MAPK3: variants seen among roughly 807,000 people sequenced by gnomAD.
MAPK3 encodes the protein mitogen-activated protein kinase 3.
Under a neutral mutation model 41.8 loss-of-function variants are expected in MAPK3, and 30 were observed. The ratio of observed to expected loss-of-function variants is 0.72; its 90% CI spans 0.54 to 0.97. The LOEUF (loss-of-function observed/expected upper bound fraction) is 0.97. MAPK3 is among the 50% of genes least tolerant of loss of function. The pLI is 0.00. For missense variants in MAPK3, 413 were observed against 509.9 expected, an observed-to-expected ratio of 0.81 and a Z score of 1.83; for synonymous variants, 222 against 213.4, an observed-to-expected ratio of 1.04 and a Z score of -0.35.
At chr16:30,122,251 C>A in intron 1 of MAPK3, 1 of 566,944 alleles carries the variant, frequency 1.8e-6, no homozygotes, top group Non-Finnish European at 3.2e-6. Context: ...ACTGACTTCC[C>A]CTCTCCTCAA....
Position 30,118,357 on chromosome 16 carries a change from C to T in MAPK3, c.535G>A (p.Asp179Asn), listed in dbSNP as rs2072980814. Residue 179 changes from aspartate to asparagine, a missense_variant, in exon 3 of 9, where the codon GAC becomes AAC. By Grantham distance (23) the Asp-to-Asn change is conservative. This residue lies in a region of MAPK3 where 140 missense variants were observed against 206.0 expected (regional missense o/e 0.68). Coordinates refer to ENST00000263025, the MANE Select transcript of MAPK3 (RefSeq NM_002746.3). ...PSNLLINTTC[D>N]LKICDFGLAR... ...GTGCCCAACCCTCTGACCTTAAGGT[C>T]GCAGGTGGTGTTGATGAGCAGGTTG... is the stretch of plus-strand genomic sequence containing the variant. The T allele has an allele frequency of 6.2e-7, 1 of 1,610,732 alleles. No homozygotes were observed. The highest frequency in any genetic ancestry group is 1.7e-5 in the Admixed American group (1 of 59,870).
At chr16:30,122,110 G>A in intron 1 of MAPK3, 104 bp from the exon 2 acceptor site, 1 of 1,068,802 alleles carries the variant, frequency 9.4e-7, no homozygotes, top group East Asian at 2.5e-5. Context: ...AGCAGGAGCT[G>A]GCTCTGGTCA....
In MAPK3 at chr16:30,116,716, G is replaced by GAC; in HGVS notation, c.1091_1092insGT (p.Ile364MetfsTer141). ...GCTGGAAGCGTGCTGTCTCCTGGAA[G>GAC]ATGAGCTCCTTCAGCCGCTCCTTAG... On this transcript the variant is annotated frameshift_variant, in exon 8 of 9. Transcript: ENST00000263025. LOFTEE classifies it high-confidence loss of function. The GAC allele has an allele frequency of 2.5e-6, 4 of 1,613,914 alleles. No homozygotes were observed. Among genetic ancestry groups the GAC allele is most frequent in the Non-Finnish European group, 8.5e-7 (1 of 1,180,006 alleles).
chr16:30,115,205 C>T (rs1042885198), intron 8 of MAPK3, among the ~76,000 whole-genome samples: 2 of 151,600 alleles, frequency 1.3e-5, no homozygotes, highest in African/African-American at 4.9e-5. Context: ...GGTGACAGAG[C>T]GAGACACTGT....
At chr16:30,116,465 G>A (rs148639118) in intron 8 of MAPK3, among the ~76,000 whole-genome samples, 171 bp downstream of exon 8, 1,811 of 152,316 alleles carry the variant, frequency 0.012, 26 homozygotes, top group East Asian at 0.048. Context: ...CCAGGCATGA[G>A]CCACCACACC....
At chr16:30,118,621 T>C in intron 2 of MAPK3, 83 bp from the exon 3 acceptor site, 5 of 1,139,816 alleles carry the variant, frequency 4.4e-6, no homozygotes, top group Non-Finnish European at 6.3e-6. Context: ...AAGGCGAGGC[T>C]GCACACCTCC....
intron 3 of MAPK3, 34 bp downstream of exon 3, chr16:30,118,314 TG>T (rs2151045823): frequency 6.2e-7 from 1 of 1,600,070 alleles, no homozygotes; most frequent in Non-Finnish European, 8.5e-7. Context: ...CCCCAGACCC[TG>T]GGGGAGGAGG....
At chr16:30,120,494 A>C (rs1170433083) in intron 2 of MAPK3, among the ~76,000 whole-genome samples, 2 of 152,108 alleles carry the variant, frequency 1.3e-5, no homozygotes, top group East Asian at 3.9e-4. Context: ...CTAGGAAAGC[A>C]GTATTGGGGG....
chr16:30,116,522 T>G, intron 8 of MAPK3, 114 bp downstream of exon 8: 7 of 1,155,220 alleles, frequency 6.1e-6, no homozygotes, highest in Non-Finnish European at 8.5e-6. Flanking sequence ...TGACCATGGG[T>G]GTGGGGTAAG....
chr16:30,118,606 C>T lies in MAPK3; in HGVS notation c.354-68G>A, dbSNP rs1596880532. On this transcript the variant is annotated intron_variant, in intron 2 of 8. Coordinates refer to ENST00000263025, the MANE Select transcript of MAPK3 (RefSeq NM_002746.3). ...GAGGCACTTGGTTAAGGAAAACAGG[C>T]TCTGAAGGCGAGGCTGCACACCTCC... 2.9e-6 allele frequency: 4 copies of T among 1,366,982 alleles called. No homozygotes were observed. In the East Asian group the frequency reaches 9.3e-5, roughly 32 times the overall value. 84.7% of individuals were successfully genotyped at this position (1,366,982 alleles called of 1,614,324 possible). A position where few individuals can be genotyped will look rare whatever the true frequency, so the allele number is the denominator to read the frequency against.
At chr16:30,121,212 G>C (rs771257602) in intron 2 of MAPK3, among the ~76,000 whole-genome samples, 1 of 152,010 alleles carries the variant, frequency 6.6e-6, no homozygotes, top group Middle Eastern at 3.4e-3. Flanking sequence ...GGGTTCAAGC[G>C]ATTCTCCTAC....
At chr16:30,122,973 C>T in intron 1 of MAPK3, 67 bp downstream of exon 1, 2 of 1,265,128 alleles carry the variant, frequency 1.6e-6, no homozygotes, top group South Asian at 1.7e-5. Context: ...GCGCTCGGCG[C>T]CTCCTCCTCC....
In MAPK3 at chr16:30,116,997, T is replaced by G; in HGVS notation, c.914A>C (p.Asp305Ala). 1.2e-6 allele frequency: 2 copies of G among 1,602,676 alleles called. No individual in the cohort carries two copies. Among genetic ancestry groups the G allele is most frequent in the Middle Eastern group, 1.7e-4 (1 of 5,998 alleles). Reference protein sequence around the residue: ...LFPKSDSKALDLLDRMLTFNP... With the variant: ...LFPKSDSKALALLDRMLTFNP... ...AAAGGTTAACATCCGGTCCAGCAGG[T>G]CAAGGGCTATGGAAGGGCAGGAGTC... is the stretch of plus-strand genomic sequence containing the variant. Residue 305 changes from aspartate (D) to alanine (A), a missense_variant, in exon 7 of 9, where the codon GAC (aspartate) becomes GCC (alanine). Around this residue, in one of 4 missense-constraint regions of MAPK3, gnomAD observed 123 missense variants for 147.8 expected, o/e 0.83. Coordinates refer to ENST00000263025, the MANE Select transcript of MAPK3 (RefSeq NM_002746.3).
chr16:30,123,008 A>AG, intron 1 of MAPK3, 32 bp downstream of exon 1: 1 of 1,302,884 alleles, frequency 7.7e-7, no homozygotes, highest in Non-Finnish European at 1.0e-6. Flanking sequence ...CCCTCCCCTG[A>AG]GGGCACCCCC....
intron 2 of MAPK3, 46 bp downstream of exon 2, chr16:30,121,778 C>A: frequency 6.3e-7 from 1 of 1,581,354 alleles, no homozygotes; most frequent in Non-Finnish European, 8.6e-7. Flanking sequence ...CCCAGCCCAG[C>A]TGCGAGGCCG....
At chr16:30,115,756 AT>A (rs544098757) in intron 8 of MAPK3, 13,259 of 134,304 alleles carry the variant, frequency 0.099, 697 homozygotes, top group African/African-American at 0.15. Flanking sequence ...AGCCTTGGGC[AT>A]TTTTTTTTTT....
chr16:30,118,238 G>A (rs1317879223), intron 3 of MAPK3, 75 bp from the exon 4 acceptor site: 1 of 1,566,644 alleles, frequency 6.4e-7, no homozygotes, highest in Non-Finnish European at 8.8e-7. Flanking sequence ...CCTTGTCTTT[G>A]CCTCCACTGT....
At chr16:30,121,578 TCC>T (rs1402671583) in intron 2 of MAPK3, among the ~76,000 whole-genome samples, 1 of 152,170 alleles carries the variant, frequency 6.6e-6, no homozygotes, top group Non-Finnish European at 1.5e-5. Context: ...GCCTAGCCCT[TCC>T]CCCTGGGGCA....
chr16:30,121,236 G>A (rs887606707), intron 2 of MAPK3, among the ~76,000 whole-genome samples: 2 of 152,098 alleles, frequency 1.3e-5, no homozygotes, highest in Non-Finnish European at 2.9e-5. Flanking sequence ...TGCCTCCCAA[G>A]TAGCTGGGAT....
Sources: gnomAD v4.1 joint callset for allele counts (sites outside exome capture counted in the v4.1 genomes callset) on GRCh38, gnomAD v4.1.1 for gene constraint, gnomAD v4.1.1 regional missense constraint, MANE v1.5 for transcripts, NCBI Gene and HGNC (gene_info 2026-07-23, HGNC 2026-07-21) for gene names.